Variants in TDRD9 observed in about 807,000 individuals in gnomAD.
TDRD9 encodes ATP-dependent RNA helicase TDRD9.
A neutral mutation model predicts 172.6 loss-of-function variants in TDRD9; 124 were observed. The ratio of observed to expected loss-of-function variants is 0.72; its 90% CI spans 0.62 to 0.83. TDRD9 has a LOEUF of 0.83. Among genes scored for constraint, TDRD9 ranks in the 40% least tolerant of loss-of-function variants. The probability of loss-of-function intolerance (pLI) is 0.00; values close to 1 mark genes in which losing one functional copy is unlikely to be tolerated. For missense variants in TDRD9, 1,479 were observed against 1,714.1 expected (o/e 0.86, Z 2.42); for synonymous variants, 619 against 617.1 (o/e 1.00, Z -0.05).
intron 7 of TDRD9, among the ~76,000 whole-genome samples, chr14:103,982,392 T>A (rs2033507820): frequency 6.6e-6 from 1 of 152,090 alleles, no homozygotes; most frequent in Admixed American, 6.6e-5. Context: ...CCTGCCAGGG[T>A]CCCTAGTGAC....
Position 104,046,712 on chromosome 14 carries a change from C to G in TDRD9, c.3975-2896C>G. Among the ~76,000 whole-genome samples the G allele has an allele frequency of 1.3e-5, 2 of 151,620 alleles. 1 individual carries two copies. The highest frequency in any genetic ancestry group is 2.9e-5 in the Non-Finnish European group (2 of 67,930). ...CCAGGCTGGAGTGCAGTGGCGTGAT[C>G]TCGGCTCACTGCAAGCTCCGCCCCC... On this transcript the variant is annotated intron_variant, in intron 34 of 35. Transcript: ENST00000409874.
At chr14:103,991,570 G>A (rs539341994) in intron 9 of TDRD9, among the ~76,000 whole-genome samples, 124 of 151,606 alleles carry the variant, frequency 8.2e-4, no homozygotes, top group Middle Eastern at 6.8e-3. Context: ...ACGCCACCAC[G>A]CCCGGCTTAT....
intron 1 of TDRD9, chr14:103,940,785 A>G: frequency 6.6e-7 from 1 of 1,504,420 alleles, no homozygotes; most frequent in South Asian, 1.2e-5. Flanking sequence ...GTTCATAAAA[A>G]CCCCTCTAGT....
chr14:103,973,450 A>G (rs998875443), intron 6 of TDRD9, among the ~76,000 whole-genome samples: 4 of 151,624 alleles, frequency 2.6e-5, no homozygotes, highest in Non-Finnish European at 5.9e-5. Context: ...TCCTCCAGCC[A>G]CTGACCTTGT....
intron 32 of TDRD9, among the ~76,000 whole-genome samples, chr14:104,036,011 T>G (rs969364656): frequency 2.0e-5 from 3 of 152,112 alleles, no homozygotes; most frequent in Non-Finnish European, 4.4e-5. Flanking sequence ...TAAGAATATT[T>G]TTTTCATTAA....
chr14:103,977,168 T>C (rs1013726532), intron 7 of TDRD9, among the ~76,000 whole-genome samples: 2 of 152,144 alleles, frequency 1.3e-5, no homozygotes, highest in Non-Finnish European at 2.9e-5. Context: ...GAAAAGTCTT[T>C]TCAGCTCACT....
chr14:104,003,445 A>G (rs1172173470), intron 13 of TDRD9, among the ~76,000 whole-genome samples: 1 of 152,204 alleles, frequency 6.6e-6, no homozygotes, highest in Non-Finnish European at 1.5e-5. Flanking sequence ...GACCTACATC[A>G]TAGGTTAAAG....
At chr14:103,953,498 A>G (rs2032046945) in intron 1 of TDRD9, among the ~76,000 whole-genome samples, 7 of 152,250 alleles carry the variant, frequency 4.6e-5, no homozygotes, top group Admixed American at 4.6e-4. Context: ...TAAGATATAT[A>G]TAGATCTGTA....
intron 32 of TDRD9, 61 bp from the exon 33 acceptor site, chr14:104,040,135 G>A (rs962506773): frequency 7.9e-5 from 105 of 1,321,326 alleles, no homozygotes; most frequent in Non-Finnish European, 1.1e-5. Flanking sequence ...ATTTTTACAT[G>A]CTAAAACATA....
At chr14:103,934,279 C>G (rs1486512696) in intron 1 of TDRD9, among the ~76,000 whole-genome samples, 1 of 152,198 alleles carries the variant, frequency 6.6e-6, no homozygotes, top group Admixed American at 6.5e-5. Context: ...TCCCAAAATG[C>G]TGGGATTATA....
chr14:103,941,198 C>T, intron 1 of TDRD9: 2 of 1,073,952 alleles, frequency 1.9e-6, no homozygotes, highest in Non-Finnish European at 2.6e-6. Flanking sequence ...ATACAAGTTA[C>T]CCACCTTTTG....
At chr14:103,971,848 A>G (rs775923487) in intron 6 of TDRD9, among the ~76,000 whole-genome samples, 1 of 152,034 alleles carries the variant, frequency 6.6e-6, no homozygotes. Context: ...AATAAGTACC[A>G]CAGTTTAAAG....
At chr14:103,937,181 C>T (rs185409346) in intron 1 of TDRD9, among the ~76,000 whole-genome samples, 3 of 152,204 alleles carry the variant, frequency 2.0e-5, no homozygotes, top group African/African-American at 7.2e-5. Context: ...GCATCGACTG[C>T]TGTTAGGATA....
chr14:103,945,216 G>A (rs1566729333), intron 1 of TDRD9, among the ~76,000 whole-genome samples: 1 of 152,176 alleles, frequency 6.6e-6, no homozygotes, highest in Non-Finnish European at 1.5e-5. Flanking sequence ...CTAGCCACTG[G>A]AAGAGCTTCT....
chr14:104,016,643 C>T (rs1276502192), intron 22 of TDRD9, among the ~76,000 whole-genome samples: 1 of 152,226 alleles, frequency 6.6e-6, no homozygotes, highest in East Asian at 1.9e-4. Context: ...TGATCAGCCA[C>T]AGGCCCTGAC....
chr14:104,012,721 T>TC (rs1432767897), intron 20 of TDRD9, among the ~76,000 whole-genome samples: 1 of 152,144 alleles, frequency 6.6e-6, no homozygotes, highest in African/African-American at 2.4e-5. Flanking sequence ...AGTGTTGGTT[T>TC]CCTCTCTGAC....
intron 34 of TDRD9, among the ~76,000 whole-genome samples, chr14:104,048,980 T>G (rs977241854): frequency 1.3e-5 from 2 of 152,154 alleles, no homozygotes; most frequent in Admixed American, 6.5e-5. Context: ...CAGCAAGAAC[T>G]CCACATACTC....
intron 1 of TDRD9, among the ~76,000 whole-genome samples, chr14:103,936,147 T>A (rs1183197135): frequency 6.6e-6 from 1 of 152,142 alleles, no homozygotes; most frequent in African/African-American, 2.4e-5. Context: ...AGTGGCACAA[T>A]AACGTTTCAC....
chr14:103,972,731 A>T (rs2033085430), intron 6 of TDRD9, among the ~76,000 whole-genome samples: 1 of 152,204 alleles, frequency 6.6e-6, no homozygotes, highest in South Asian at 2.1e-4. Context: ...GTTGAGGAAA[A>T]CATTTCTCTT....
Sources: allele counts gnomAD v4.1 joint callset (sites outside exome capture counted in the v4.1 genomes callset), GRCh38; gene constraint gnomAD v4.1.1; transcripts MANE v1.5; gene names NCBI Gene and HGNC (gene_info 2026-07-23, HGNC 2026-07-21).